CNTN5: variants seen among roughly 807,000 people sequenced by gnomAD.
The protein encoded by CNTN5 is contactin 5.
In CNTN5, 77 loss-of-function variants were observed where a neutral mutation model predicts 129.1. The ratio of observed to expected loss-of-function variants is 0.60; its 90% CI spans 0.50 to 0.72. The LOEUF (loss-of-function observed/expected upper bound fraction) is 0.72. Among genes scored for constraint, CNTN5 ranks in the 30% least tolerant of loss-of-function variants. The pLI is 0.00. For synonymous variants in CNTN5, 509 were observed against 465.6 expected (o/e 1.09, Z -1.20); for missense variants, 1,478 against 1,328.8 (o/e 1.11, Z -1.75).
At position 100,337,003 on chromosome 11, in the gene CNTN5, A is replaced by C. The variant is rs540494185; in HGVS notation, c.2731-3460A>C. 8.6e-6 allele frequency: 7 copies of C among 812,864 alleles called. No individual in the cohort carries two copies. In the South Asian group the frequency reaches 9.4e-5, roughly 11 times the overall value. 50.4% of individuals were successfully genotyped at this position (812,864 alleles called of 1,614,324 possible). On this transcript the variant is annotated intron_variant, in intron 21 of 24. Coordinates refer to ENST00000524871, the MANE Select transcript of CNTN5 (RefSeq NM_014361.4). ...AGAGCACAGCACATTGAACCCACACACATCTCAGCTGCTTTCTGCCACTTT... is the reference window on the plus strand; with the variant it reads ...AGAGCACAGCACATTGAACCCACACCCATCTCAGCTGCTTTCTGCCACTTT...
At chr11:100,275,213 A>G (rs1950483387) in intron 18 of CNTN5, among the ~76,000 whole-genome samples, 1 of 152,240 alleles carries the variant, frequency 6.6e-6, no homozygotes, top group African/African-American at 2.4e-5. Flanking sequence ...TACCTTTTCA[A>G]TAGCATGAAT....
intron 3 of CNTN5, among the ~76,000 whole-genome samples, chr11:99,742,171 G>T (rs542644307): frequency 2.0e-5 from 3 of 152,134 alleles, no homozygotes; most frequent in African/African-American, 7.2e-5. Flanking sequence ...GTGTAAAGAC[G>T]GATGGACAGT....
chr11:99,852,870 G>A (rs1369068438), intron 6 of CNTN5, among the ~76,000 whole-genome samples: 1 of 152,114 alleles, frequency 6.6e-6, no homozygotes, highest in Non-Finnish European at 1.5e-5. Flanking sequence ...TTAGTAGAGT[G>A]TTTGTGGAGA....
chr11:100,011,306 A>T (rs1004158157), intron 9 of CNTN5, among the ~76,000 whole-genome samples: 12 of 152,188 alleles, frequency 7.9e-5, no homozygotes, highest in African/African-American at 2.9e-4. Flanking sequence ...CTGGTCACTG[A>T]TGCTTAAATG....
At chr11:99,359,710 C>A (rs1463329006) in intron 2 of CNTN5, among the ~76,000 whole-genome samples, 1 of 151,936 alleles carries the variant, frequency 6.6e-6, no homozygotes, top group Non-Finnish European at 1.5e-5. Flanking sequence ...ATCAGATATG[C>A]ATGAGTCTCA....
chr11:100,033,121 C>A (rs565404824), intron 9 of CNTN5, among the ~76,000 whole-genome samples: 2 of 152,256 alleles, frequency 1.3e-5, no homozygotes, highest in East Asian at 1.9e-4. Flanking sequence ...AACATCTCCA[C>A]TTTTGACAGA....
At chr11:100,330,462 A>G (rs1057260601) in intron 21 of CNTN5, among the ~76,000 whole-genome samples, 4 of 151,676 alleles carry the variant, frequency 2.6e-5, no homozygotes, top group Non-Finnish European at 5.9e-5. Context: ...ACATCCAAAT[A>G]TAAGAAACTC....
At chr11:99,577,832 A>ATTG (rs72278255) in intron 3 of CNTN5, among the ~76,000 whole-genome samples, 1 of 150,696 alleles carries the variant, frequency 6.6e-6, no homozygotes, top group African/African-American at 2.4e-5. Context: ...TTTTATTATT[A>ATTG]TTATTATTAT....
chr11:100,280,196 G>T (rs1950605440), intron 18 of CNTN5, among the ~76,000 whole-genome samples: 1 of 151,658 alleles, frequency 6.6e-6, no homozygotes, highest in African/African-American at 2.4e-5. Flanking sequence ...AGGTCGATTT[G>T]GTCCACATTG....
intron 3 of CNTN5, among the ~76,000 whole-genome samples, chr11:99,651,257 T>C (rs1952145510): frequency 6.6e-6 from 1 of 151,954 alleles, no homozygotes; most frequent in African/African-American, 2.4e-5. Context: ...TTTAGTAAAA[T>C]TGATAACATA....
At chr11:100,114,379 G>T (rs1945768907) in intron 13 of CNTN5, among the ~76,000 whole-genome samples, 1 of 152,064 alleles carries the variant, frequency 6.6e-6, no homozygotes, top group Admixed American at 6.6e-5. Context: ...CAAAGTGTCA[G>T]TTTTATGTGA....
In CNTN5 at chr11:99,984,274, CAAA is replaced by C. The variant is rs567566347; in HGVS notation, c.878-17755_878-17753del. ...CCTGGGTGTCAGCTAGACTCCATCACAAAAAAAGAGAGAAAGAAAAGAATGGGA... is the reference window on the plus strand; with the variant it reads ...CCTGGGTGTCAGCTAGACTCCATCACAAAAGAGAGAAAGAAAAGAATGGGA... On this transcript the variant is annotated intron_variant, in intron 8 of 24. Transcript: ENST00000524871. Among the ~76,000 whole-genome samples the C allele has an allele frequency of 7.1e-3, 894 of 125,182 alleles. 6 individuals are homozygous for C. The highest frequency in any genetic ancestry group is 9.9e-3 in the Non-Finnish European group (593 of 60,012). 82.1% of individuals were successfully genotyped at this position (125,182 alleles called of 152,430 possible). A position where few individuals can be genotyped will look rare whatever the true frequency, so the allele number is the denominator to read the frequency against.
intron 3 of CNTN5, among the ~76,000 whole-genome samples, chr11:99,674,554 A>T (rs1320762483): frequency 6.6e-6 from 1 of 152,098 alleles, no homozygotes; most frequent in Non-Finnish European, 1.5e-5. Context: ...CTAACTCTTC[A>T]CACAGAACCT....
In CNTN5 at chr11:100,271,231, A is replaced by G; in HGVS notation, c.2304A>G (p.Thr768=). The G allele has an allele frequency of 6.3e-7, 1 of 1,597,702 alleles. No individual in the cohort carries two copies. Among genetic ancestry groups the G allele is most frequent in the South Asian group, 1.1e-5 (1 of 87,866 alleles). ...GCACCCCATCTCGAATGATCCGCACAAATGAAGCAGGTAAAAATTTGGAAG... is the reference window on the plus strand; with the variant it reads ...GCACCCCATCTCGAATGATCCGCACGAATGAAGCAGGTAAAAATTTGGAAG... ...DPSTPSRMIR[T]NEAVPKTAPT... is the part of the protein sequence containing the mutation. The change falls in exon 18 of 25, where the codon ACA becomes ACG. Residue 768 remains threonine (T), a synonymous_variant. Transcript: ENST00000524871.
At chr11:99,661,245 C>A (rs1225154931) in intron 3 of CNTN5, among the ~76,000 whole-genome samples, 2 of 152,114 alleles carry the variant, frequency 1.3e-5, no homozygotes, top group Non-Finnish European at 2.9e-5. Context: ...ATCTACAGCA[C>A]AGAAAATTCT....
chr11:100,316,832 A>G (rs1565424016), intron 21 of CNTN5, among the ~76,000 whole-genome samples: 1 of 152,138 alleles, frequency 6.6e-6, no homozygotes, highest in Non-Finnish European at 1.5e-5. Flanking sequence ...ATAAGCAACA[A>G]TGTATTTTGT....
At chr11:100,297,730 C>T (rs371871868) in intron 19 of CNTN5, 35 bp downstream of exon 19, 11 of 1,465,518 alleles carry the variant, frequency 7.5e-6, no homozygotes, top group Admixed American at 5.5e-5. Context: ...AATTACTCCA[C>T]GTGTTTGTTT....
chr11:100,174,915 C>CA (rs1468449249), intron 13 of CNTN5, among the ~76,000 whole-genome samples: 2 of 152,144 alleles, frequency 1.3e-5, no homozygotes, highest in Non-Finnish European at 2.9e-5. Context: ...TGGGTCACCT[C>CA]ACTTCTTCCT....
intron 4 of CNTN5, among the ~76,000 whole-genome samples, chr11:99,827,503 G>A (rs891266265): frequency 1.3e-5 from 2 of 152,088 alleles, no homozygotes; most frequent in Non-Finnish European, 2.9e-5. Context: ...CCAACCATGT[G>A]GGACTAAATT....
Sources: gnomAD v4.1 joint callset for allele counts (sites outside exome capture counted in the v4.1 genomes callset) on GRCh38, gnomAD v4.1.1 for gene constraint, MANE v1.5 for transcripts, NCBI Gene and HGNC (gene_info 2026-07-23, HGNC 2026-07-21) for gene names.